Variants in CRADD observed in about 807,000 individuals in gnomAD.
CRADD encodes death domain-containing protein CRADD.
A neutral mutation model predicts 15.5 loss-of-function variants in CRADD; 9 were observed. The ratio of observed to expected loss-of-function variants is 0.58; its 90% CI spans 0.35 to 1.01. The LOEUF is 1.01. Ranked by LOEUF, CRADD falls within the 50% of genes least tolerant of loss-of-function variation. CRADD has a pLI of 0.02. For synonymous variants in CRADD, 118 were observed against 107.6 expected, an observed-to-expected ratio of 1.10 and a Z score of -0.60; for missense variants, 227 against 250.3, an observed-to-expected ratio of 0.91 and a Z score of 0.63.
At chr12:93,813,277 A>G (rs920332695) in intron 2 of CRADD, among the ~76,000 whole-genome samples, 12 of 152,242 alleles carry the variant, frequency 7.9e-5, no homozygotes, top group African/African-American at 2.7e-4. Flanking sequence ...ACTGGAATCT[A>G]ACGTGGTAAT....
intron 2 of CRADD, among the ~76,000 whole-genome samples, chr12:93,712,240 G>C (rs758507071): frequency 6.6e-6 from 1 of 152,168 alleles, no homozygotes; most frequent in Non-Finnish European, 1.5e-5. Flanking sequence ...AGAGTATCTG[G>C]AGCATGATAT....
intron 2 of CRADD, among the ~76,000 whole-genome samples, chr12:93,734,317 A>G (rs1375119387): frequency 6.6e-6 from 1 of 152,228 alleles, no homozygotes; most frequent in East Asian, 1.9e-4. Flanking sequence ...TTTTAAAACA[A>G]GTATGTGAAT....
chr12:93,704,068 G>GCCTTGGCCT (rs1158247603), intron 2 of CRADD, among the ~76,000 whole-genome samples: 2 of 135,986 alleles, frequency 1.5e-5, no homozygotes, highest in Non-Finnish European at 3.0e-5. Context: ...GGATCTGCCT[G>GCCTTGGCCT]CCTTGGCCTC....
intron 2 of CRADD, among the ~76,000 whole-genome samples, chr12:93,838,214 G>GTTTTTTTTTTTTTTTTTTTTT (rs66564800): frequency 7.7e-6 from 1 of 130,602 alleles, no homozygotes. Flanking sequence ...TCCTTTTGAG[G>GTTTTTTTTTTTTTTTTTTTTT]TTTTTTTTTT....
At chr12:93,871,015 C>T (rs2137066220) in intron 2 of CRADD, among the ~76,000 whole-genome samples, 1 of 152,314 alleles carries the variant, frequency 6.6e-6, no homozygotes, top group Non-Finnish European at 1.5e-5. Context: ...AACTACATGC[C>T]ATATACAACA....
chr12:93,717,302 A>G (rs1377446961), intron 2 of CRADD, among the ~76,000 whole-genome samples: 1 of 151,934 alleles, frequency 6.6e-6, no homozygotes, highest in East Asian at 1.9e-4. Flanking sequence ...CTCTGCAAAT[A>G]TTTTTTCTAG....
At chr12:93,693,315 G>T (rs1955617774) in intron 2 of CRADD, among the ~76,000 whole-genome samples, 1 of 152,038 alleles carries the variant, frequency 6.6e-6, no homozygotes, top group African/African-American at 2.4e-5. Flanking sequence ...TTTATAAAAA[G>T]CACAAGACCC....
At chr12:93,775,960 A>C (rs1957136533) in intron 2 of CRADD, among the ~76,000 whole-genome samples, 1 of 152,240 alleles carries the variant, frequency 6.6e-6, no homozygotes, top group Non-Finnish European at 1.5e-5. Flanking sequence ...TTGTACAAAA[A>C]GGAGATAAAA....
Position 93,678,472 on chromosome 12 carries a change from C to T in CRADD, c.-6-297C>T, listed in dbSNP as rs199820850. Among the ~76,000 whole-genome samples the T allele has an allele frequency of 3.3e-5, 5 of 152,168 alleles. No individual in the cohort carries two copies. In the East Asian group the frequency reaches 9.6e-4, roughly 29 times the overall value. On this transcript the variant is annotated intron_variant, in intron 1 of 2. Transcript: ENST00000332896. ...ATTGCTTGTTCAGAAGGGTCTCTGA[C>T]CCACTTTTTTTTTTTCTTTTTCCAA...
chr12:93,807,208 A>G (rs1402528418), intron 2 of CRADD, among the ~76,000 whole-genome samples: 1 of 152,174 alleles, frequency 6.6e-6, no homozygotes, highest in East Asian at 1.9e-4. Context: ...CATTTTTGTG[A>G]AACTGTCCCT....
chr12:93,816,441 G>T (rs1266848076), intron 2 of CRADD, among the ~76,000 whole-genome samples: 3 of 144,654 alleles, frequency 2.1e-5, no homozygotes, highest in Non-Finnish European at 3.0e-5. Context: ...TCGTCAGGCT[G>T]GTCTCAAACT....
intron 2 of CRADD, among the ~76,000 whole-genome samples, chr12:93,797,665 A>G (rs1176242942): frequency 6.6e-6 from 1 of 152,182 alleles, no homozygotes; most frequent in Non-Finnish European, 1.5e-5. Flanking sequence ...GCAATAGGTA[A>G]CTCAACTGCT....
At chr12:93,738,253 G>C in intron 2 of CRADD, 1 of 639,914 alleles carries the variant, frequency 1.6e-6, no homozygotes, top group South Asian at 1.8e-5. Flanking sequence ...AGCTGGAGAA[G>C]AGAAGGGCCA....
chr12:93,890,892 G>T (rs1958571492), intron 2 of CRADD, among the ~76,000 whole-genome samples: 1 of 151,496 alleles, frequency 6.6e-6, no homozygotes, highest in African/African-American at 2.4e-5. Flanking sequence ...TGGGACTACA[G>T]GCACGTGCCA....
chr12:93,843,343 A>G (rs1472664735), intron 2 of CRADD, among the ~76,000 whole-genome samples: 1 of 146,826 alleles, frequency 6.8e-6, no homozygotes, highest in Non-Finnish European at 1.5e-5. Context: ...TACCATTTCT[A>G]CCACTAATTT....
chr12:93,736,493 T>G (rs4761741), intron 2 of CRADD, among the ~76,000 whole-genome samples: 8,614 of 152,266 alleles, frequency 0.057, 542 homozygotes, highest in Admixed American at 0.14. Context: ...ATTAGATTTA[T>G]TCTGTTCTCC....
In CRADD at chr12:93,850,235, G is replaced by A; in HGVS notation, c.564G>A (p.Glu188=). The A allele has an allele frequency of 1.2e-6, 2 of 1,608,298 alleles. No individual in the cohort carries two copies. The highest frequency in any genetic ancestry group is 1.7e-6 in the Non-Finnish European group (2 of 1,176,878). The part of the protein sequence containing the change: ...QSLHNGLRAV[E]VDPSLLLHML... ...TGCACAACGGGCTGCGGGCTGTGGAGGTGGACCCCTCGCTGCTCCTGCACA... is the reference window on the plus strand; with the variant it reads ...TGCACAACGGGCTGCGGGCTGTGGAAGTGGACCCCTCGCTGCTCCTGCACA... Residue 188 remains glutamate, a synonymous_variant, in exon 3 of 3, where the codon GAG becomes GAA. Transcript: ENST00000332896. The surrounding 1 kb of genome is among the most constrained non-coding windows in gnomAD (Gnocchi z 4.0).
At chr12:93,695,239 A>G (rs772049027) in intron 2 of CRADD, among the ~76,000 whole-genome samples, 2 of 152,230 alleles carry the variant, frequency 1.3e-5, no homozygotes, top group Admixed American at 6.5e-5. Flanking sequence ...TTTTCAATAA[A>G]TGGTGTTGGA....
At chr12:93,867,130 C>A (rs1480975322) in intron 2 of CRADD, among the ~76,000 whole-genome samples, 2 of 152,008 alleles carry the variant, frequency 1.3e-5, no homozygotes, top group African/African-American at 2.4e-5. Context: ...ACTTCTAATT[C>A]TTGAGGCTTT....
Sources: allele counts gnomAD v4.1 joint callset (sites outside exome capture counted in the v4.1 genomes callset), GRCh38; gene constraint gnomAD v4.1.1; non-coding constraint Gnocchi (gnomAD v3.1); transcripts MANE v1.5; gene names NCBI Gene and HGNC (gene_info 2026-07-23, HGNC 2026-07-21).